The following CRISP2 variants were observed in gnomAD, a reference collection of about 807,000 sequenced individuals.
CRISP2 encodes the protein cysteine-rich secretory protein 2.
Under a neutral mutation model 31.7 loss-of-function variants are expected in CRISP2, and 29 were observed. The ratio of observed to expected loss-of-function variants is 0.92; its 90% CI spans 0.68 to 1.25. The LOEUF (loss-of-function observed/expected upper bound fraction) is 1.25, where lower values mean the gene tolerates loss of function less well. Ranked by LOEUF, CRISP2 falls within the 50% of genes most tolerant of loss-of-function variation. CRISP2 has a pLI of 0.00. For missense variants in CRISP2, 318 were observed against 286.5 expected, an observed-to-expected ratio of 1.11 and a Z score of -0.79; for synonymous variants, 111 against 101.4, an observed-to-expected ratio of 1.09 and a Z score of -0.57.
chr6:49,683,286 T>C, the CRISP2 span, among the ~76,000 whole-genome samples: 1 of 152,020 alleles, frequency 6.6e-6, no homozygotes, highest in Non-Finnish European at 1.5e-5. Flanking sequence ...CCTATGTAAA[T>C]AGCACTCTAA....
the CRISP2 span, among the ~76,000 whole-genome samples, chr6:49,682,952 A>G: frequency 1.3e-5 from 2 of 151,688 alleles, no homozygotes; most frequent in Non-Finnish European, 2.9e-5. Context: ...TGAGGTCAAG[A>G]GTTCAGAACC....
the CRISP2 span, among the ~76,000 whole-genome samples, chr6:49,686,869 A>C: frequency 6.6e-6 from 1 of 152,210 alleles, no homozygotes; most frequent in African/African-American, 2.4e-5. Context: ...AATACTATGC[A>C]GCCATAAAAA....
At chr6:49,702,534 C>T (rs1055816092) in intron 4 of CRISP2, among the ~76,000 whole-genome samples, 4 of 151,668 alleles carry the variant, frequency 2.6e-5, no homozygotes, top group African/African-American at 2.4e-5. Flanking sequence ...ATTGTGGTTT[C>T]GATTTGCATT....
At chr6:49,701,380 G>A (rs1371702618) in intron 4 of CRISP2, among the ~76,000 whole-genome samples, 5 of 150,888 alleles carry the variant, frequency 3.3e-5, no homozygotes, top group Admixed American at 2.0e-4. Flanking sequence ...ATGATGTTTG[G>A]TTTTTCCATT....
At chr6:49,705,560 C>G (rs751537852) in intron 4 of CRISP2, among the ~76,000 whole-genome samples, 2 of 152,138 alleles carry the variant, frequency 1.3e-5, no homozygotes, top group Non-Finnish European at 2.9e-5. Context: ...AAAATTTGCA[C>G]TTGGTCAAAA....
intron 4 of CRISP2, among the ~76,000 whole-genome samples, chr6:49,703,105 T>A (rs1365784192): frequency 1.3e-5 from 2 of 152,152 alleles, no homozygotes; most frequent in Non-Finnish European, 2.9e-5. Context: ...TTTTGTTTGC[T>A]TTGTTGAAGG....
rs1396807021 is a variant in CRISP2 at position 49,700,736 on chromosome 6, C to G, written c.115G>C (p.Glu39Gln). The G allele has an allele frequency of 1.4e-5, 23 of 1,612,606 alleles. No homozygotes were observed. Among genetic ancestry groups the G allele is most frequent in the Non-Finnish European group, 2.0e-5 (23 of 1,179,140 alleles). ...LLTTQLQVQR[E>Q]IVNKHNELRK... ...AGTTCATTGTGTTTATTTACAATCT[C>G]CCTTTGCACTTGCAACTGGGTGGTT... The change falls in exon 5 of 10, where the codon GAG becomes CAG. Residue 39 changes from glutamate to glutamine, a missense_variant. Coordinates refer to ENST00000339139, the MANE Select transcript of CRISP2 (RefSeq NM_003296.4).
At chr6:49,685,144 CA>C in the CRISP2 span, among the ~76,000 whole-genome samples, 1 of 152,142 alleles carries the variant, frequency 6.6e-6, no homozygotes, top group African/African-American at 2.4e-5. Flanking sequence ...CACTGGCCAC[CA>C]ATGCTGCAGT....
At chr6:49,691,820 G>A (rs553744048), downstream of CRISP2, among the ~76,000 whole-genome samples, 1 of 151,954 alleles carries the variant, frequency 6.6e-6, no homozygotes, top group Non-Finnish European at 1.5e-5. Flanking sequence ...TTCCTTAATG[G>A]TTATAGGATG....
At chr6:49,697,491 G>A (rs1386902421) in intron 8 of CRISP2, among the ~76,000 whole-genome samples, 3 of 151,996 alleles carry the variant, frequency 2.0e-5, no homozygotes, top group Non-Finnish European at 4.4e-5. Flanking sequence ...TCTTCCATTT[G>A]CAATCTCACC....
At chr6:49,703,546 G>A (rs1766476434) in intron 4 of CRISP2, among the ~76,000 whole-genome samples, 1 of 152,024 alleles carries the variant, frequency 6.6e-6, no homozygotes, top group African/African-American at 2.4e-5. Context: ...CCTTGGTTAG[G>A]TATACTCCAA....
At chr6:49,697,614 AG>A in intron 8 of CRISP2, 5 of 901,846 alleles carry the variant, frequency 5.5e-6, no homozygotes, top group Non-Finnish European at 8.1e-6. Context: ...AGCTGAGGGA[AG>A]GCCAATTGAA....
intron 4 of CRISP2, 53 bp downstream of exon 4, chr6:49,709,078 C>T: frequency 6.7e-7 from 1 of 1,493,714 alleles, no homozygotes; most frequent in South Asian, 1.1e-5. Flanking sequence ...AATAGCCTGC[C>T]ATACCACAAA....
At chr6:49,710,398 C>G (rs139002570) in intron 3 of CRISP2, among the ~76,000 whole-genome samples, 1 of 152,234 alleles carries the variant, frequency 6.6e-6, no homozygotes, top group Non-Finnish European at 1.5e-5. Context: ...AGAAATTAGT[C>G]TTCATCCAAT....
chr6:49,679,606 T>C, the CRISP2 span, among the ~76,000 whole-genome samples: 2 of 152,150 alleles, frequency 1.3e-5, no homozygotes, highest in African/African-American at 4.8e-5. Context: ...CCATATTCCA[T>C]GCCTTAGGTC....
At chr6:49,685,162 G>C in the CRISP2 span, among the ~76,000 whole-genome samples, 16 of 152,304 alleles carry the variant, frequency 1.1e-4, 1 homozygote, top group South Asian at 1.5e-3. Flanking sequence ...CAGTGATAAA[G>C]ATGGACACTT....
At chr6:49,704,314 G>A (rs1441868760) in intron 4 of CRISP2, among the ~76,000 whole-genome samples, 2 of 151,852 alleles carry the variant, frequency 1.3e-5, no homozygotes, top group East Asian at 3.9e-4. Context: ...GTTCCTCCTT[G>A]AGAAGCTTAA....
Position 49,692,827 on chromosome 6 carries a change from C to G in CRISP2, c.678G>C (p.Glu226Asp). ...TAGCCTTGCACTTTTCCTTGAGTAA[C>G]TCATGTTCACAGCCAGCTGTATTCT... ...SLKNTAGCEH[E>D]LLKEKCKATC... Residue 226 changes from glutamate (E) to aspartate (D), a missense_variant, in exon 10 of 10, where the codon GAG becomes GAC. Transcript: ENST00000339139. 2 of 1,613,798 alleles carry G rather than the reference C, an allele frequency of 1.2e-6. No individual in the cohort carries two copies. The highest frequency in any genetic ancestry group is 1.7e-6 in the Non-Finnish European group (2 of 1,179,754).
intron 7 of CRISP2, 59 bp from the exon 8 acceptor site, chr6:49,698,016 T>C: frequency 7.6e-7 from 1 of 1,323,246 alleles, no homozygotes. Context: ...GAAAAATATT[T>C]AAAAAAGTAG....
Sources: gnomAD v4.1 joint callset for allele counts (sites outside exome capture counted in the v4.1 genomes callset) on GRCh38, gnomAD v4.1.1 for gene constraint, MANE v1.5 for transcripts, NCBI Gene and HGNC (gene_info 2026-07-23, HGNC 2026-07-21) for gene names.